PDZD9: variants seen among roughly 807,000 people sequenced by gnomAD.
The protein encoded by PDZD9 is PDZ domain-containing protein 9.
PDZD9 carries 13 observed loss-of-function variants against 16.3 expected under a neutral mutation model. The observed-to-expected ratio is 0.80, with a 90% CI of 0.52 to 1.27. The LOEUF (loss-of-function observed/expected upper bound fraction) is 1.27, where lower values mean the gene tolerates loss of function less well. Among genes scored for constraint, PDZD9 ranks in the 50% most tolerant of loss-of-function variants. PDZD9 has a pLI of 0.00. For synonymous variants in PDZD9, 120 were observed against 111.0 expected, an observed-to-expected ratio of 1.08 and a Z score of -0.51; for missense variants, 288 against 310.9, an observed-to-expected ratio of 0.93 and a Z score of 0.55.
chr16:21,986,822 T>C (rs968430776), intron 3 of PDZD9, among the ~76,000 whole-genome samples: 16 of 152,248 alleles, frequency 1.1e-4, no homozygotes, highest in African/African-American at 3.9e-4. Context: ...GGAAGACCCC[T>C]TGGAGAAGTT....
In PDZD9 at chr16:21,984,174, C is replaced by T. The variant is rs1898808222; in HGVS notation, c.*93G>A. On this transcript the variant is annotated 3_prime_UTR_variant, in exon 4 of 4. Transcript: ENST00000424898. Reference sequence around the variant, plus strand: ...TAAGAGAAGAGAATTGGTGAGTCTACAGACAGTCCTTGATAAGTACAGCAA... The same window carrying T: ...TAAGAGAAGAGAATTGGTGAGTCTATAGACAGTCCTTGATAAGTACAGCAA... 2 of 1,380,582 alleles carry T rather than the reference C, an allele frequency of 1.4e-6. No individual in the cohort carries two copies. Among genetic ancestry groups the T allele is most frequent in the East Asian group, 2.3e-5 (1 of 43,380 alleles). The allele number at this position is 1,380,582 out of a possible 1,614,324, so 85.5% of individuals were successfully genotyped here.
At chr16:21,989,317 AGCAGTATATTG>A (rs1898965692) in intron 2 of PDZD9, among the ~76,000 whole-genome samples, 1 of 152,162 alleles carries the variant, frequency 6.6e-6, no homozygotes. Context: ...GTTTCTTAAT[AGCAGTATATTG>A]GTAGACATTA....
At chr16:21,983,144 A>G, downstream of PDZD9, 1 of 1,614,088 alleles carries the variant, frequency 6.2e-7, no homozygotes, top group Middle Eastern at 1.6e-4. Context: ...GAAATTTGGG[A>G]CATACACCTT....
At chr16:21,996,799 C>A (rs1899162884) in intron 1 of PDZD9, among the ~76,000 whole-genome samples, 1 of 152,100 alleles carries the variant, frequency 6.6e-6, no homozygotes. Context: ...CCTGGGTTTA[C>A]CATGGTGAGC....
At chr16:21,976,250 C>G in the PDZD9 span, 1 of 1,606,940 alleles carries the variant, frequency 6.2e-7, no homozygotes, top group Non-Finnish European at 8.5e-7. Context: ...CCAAGTAAGT[C>G]TCAGTATTAA....
At chr16:21,981,706 C>T (rs992443455), downstream of PDZD9, among the ~76,000 whole-genome samples, 18 of 151,648 alleles carry the variant, frequency 1.2e-4, no homozygotes, top group African/African-American at 4.4e-4. Flanking sequence ...GAGGTTGCAG[C>T]GAGCCGAGAT....
chr16:21,965,324 A>G, the PDZD9 span: 16 of 1,322,064 alleles, frequency 1.2e-5, no homozygotes, highest in Admixed American at 1.8e-4. Context: ...CCAAATTTGT[A>G]TAGGCTTGTT....
At chr16:21,971,471 G>A in the PDZD9 span, 29 of 1,387,230 alleles carry the variant, frequency 2.1e-5, no homozygotes, top group Non-Finnish European at 2.5e-5. Context: ...AATATTTTAC[G>A]ATTGTGTTTT....
chr16:21,957,547 T>C, the PDZD9 span: 1 of 1,614,178 alleles, frequency 6.2e-7, no homozygotes, highest in Non-Finnish European at 8.5e-7. Context: ...ACCCATTTGC[T>C]GCGTCTTACA....
chr16:21,992,201 C>T (rs185943974), intron 2 of PDZD9, among the ~76,000 whole-genome samples: 10 of 152,186 alleles, frequency 6.6e-5, no homozygotes, highest in Admixed American at 5.2e-4. Flanking sequence ...TGCACTCCTG[C>T]ACTCCAGCCT....
At chr16:21,961,668 A>ATATATATATATATTTT in the PDZD9 span, among the ~76,000 whole-genome samples, 4 of 116,040 alleles carry the variant, frequency 3.4e-5, no homozygotes, top group Admixed American at 3.6e-4. Context: ...ATATATATAT[A>ATATATATATATATTTT]TTTTAGACAG....
chr16:21,971,477 G>A, the PDZD9 span: 1 of 1,436,152 alleles, frequency 7.0e-7, no homozygotes, highest in African/African-American at 1.4e-5. Context: ...TTACGATTGT[G>A]TTTTAGTAAT....
intron 2 of PDZD9, among the ~76,000 whole-genome samples, chr16:21,991,509 C>G (rs1899022247): frequency 6.6e-6 from 1 of 152,130 alleles, no homozygotes; most frequent in Admixed American, 6.5e-5. Context: ...TGCTGAGATT[C>G]CAGGTGTGTG....
the PDZD9 span, chr16:21,959,314 A>T: frequency 4.7e-6 from 1 of 214,408 alleles, no homozygotes; most frequent in South Asian, 5.7e-5. Context: ...AGATTATGTA[A>T]TATTCTTTTT....
At chr16:21,963,079 C>G in the PDZD9 span, 3 of 539,152 alleles carry the variant, frequency 5.6e-6, no homozygotes, top group Non-Finnish European at 8.7e-6. Context: ...ACCTCCAGCT[C>G]CCGGGTTCAA....
chr16:21,980,514 C>G (rs769223234), downstream of PDZD9: 22 of 1,604,000 alleles, frequency 1.4e-5, no homozygotes, highest in South Asian at 4.5e-5. Flanking sequence ...TTGCCTTGCT[C>G]TCTAAAACTG....
At chr16:21,962,345 G>A in the PDZD9 span, 41 of 1,233,282 alleles carry the variant, frequency 3.3e-5, no homozygotes, top group African/African-American at 3.2e-4. Context: ...ATTATTGTTC[G>A]CACCTTTTAT....
chr16:21,996,601 A>T, intron 1 of PDZD9, 100 bp from the exon 2 acceptor site: 1 of 1,113,452 alleles, frequency 9.0e-7, no homozygotes, highest in South Asian at 1.7e-5. Context: ...CAGTTATTTA[A>T]TCCCTGTTCC....
the PDZD9 span, among the ~76,000 whole-genome samples, chr16:21,961,668 A>ATATATATG: frequency 1.7e-5 from 2 of 116,048 alleles, no homozygotes; most frequent in Non-Finnish European, 3.5e-5. Flanking sequence ...ATATATATAT[A>ATATATATG]TTTTAGACAG....
Sources: allele counts gnomAD v4.1 joint callset (sites outside exome capture counted in the v4.1 genomes callset), GRCh38; gene constraint gnomAD v4.1.1; transcripts MANE v1.5; gene names NCBI Gene and HGNC (gene_info 2026-07-23, HGNC 2026-07-21).